Variants in UGT8 observed in about 807,000 individuals in gnomAD.
UGT8 encodes the protein UDP glycosyltransferase 8.
UGT8 carries 12 observed loss-of-function variants against 40.5 expected under a neutral mutation model. That is an observed-to-expected ratio of 0.30 (90% confidence interval 0.19 to 0.48). The LOEUF (loss-of-function observed/expected upper bound fraction) is 0.48. Ranked by LOEUF, UGT8 falls within the 20% of genes least tolerant of loss-of-function variation. The pLI, the probability that UGT8 is intolerant of heterozygous loss-of-function variation, is 0.99. For synonymous variants in UGT8, 224 were observed against 240.4 expected (o/e 0.93, Z 0.63); for missense variants, 513 against 648.7 (o/e 0.79, Z 2.27).
At chr4:114,617,111 G>T (rs1311456691) in intron 1 of UGT8, among the ~76,000 whole-genome samples, 5 of 152,112 alleles carry the variant, frequency 3.3e-5, no homozygotes, top group African/African-American at 1.2e-4. Context: ...AAAATTAGTT[G>T]GGCACGGTGG....
intron 2 of UGT8, among the ~76,000 whole-genome samples, chr4:114,647,356 TTGTG>T (rs34575248): frequency 0.012 from 1,722 of 143,274 alleles, 22 homozygotes; most frequent in African/African-American, 0.034. Context: ...ATTAGCTCTT[TTGTG>T]TGTGTGTGTG....
chr4:114,656,025 C>G (rs1734167431), intron 2 of UGT8, among the ~76,000 whole-genome samples: 1 of 152,120 alleles, frequency 6.6e-6, no homozygotes, highest in Non-Finnish European at 1.5e-5. Flanking sequence ...TGCATCCTTA[C>G]AGGAATATCA....
Position 114,624,057 on chromosome 4 carries a change from C to T in UGT8, c.822+355C>T, listed in dbSNP as rs551223329. The stretch of plus-strand genomic sequence containing the variant: ...TTTTATCTTTAATTACACACAGAAT[C>T]CCCTCTGTTCTGCCCCAAATAGCAC... On this transcript the variant is annotated intron_variant, in intron 2 of 5. Coordinates refer to ENST00000310836, the MANE Select transcript of UGT8 (RefSeq NM_001128174.3). Among the ~76,000 whole-genome samples the T allele has an allele frequency of 1.2e-4, 19 of 152,322 alleles. No individual in the cohort carries two copies. In the South Asian group the frequency reaches 3.1e-3, roughly 25 times the overall value.
At position 114,664,221 on chromosome 4, in the gene UGT8, AC is replaced by A; in HGVS notation, c.965+85del. On this transcript the variant is annotated intron_variant, in intron 3 of 5. Transcript: ENST00000310836. ...TGCACAGGTCCCAGTAAAGCACAGC[AC>A]ATTGTTTCCCTGACAAGATTAGCAA... The A allele has an allele frequency of 6.2e-6, 9 of 1,459,080 alleles. No homozygotes were observed. The South Asian group carries it at 8.7e-5, about 14-fold the overall frequency. The allele number at this position is 1,459,080 out of a possible 1,614,324, so 90.4% of individuals were successfully genotyped here. A position where few individuals can be genotyped will look rare whatever the true frequency, so the allele number is the denominator to read the frequency against.
At chr4:114,637,248 G>C (rs1732941320) in intron 2 of UGT8, among the ~76,000 whole-genome samples, 1 of 152,136 alleles carries the variant, frequency 6.6e-6, no homozygotes, top group African/African-American at 2.4e-5. Context: ...CACGGTCTTT[G>C]TGAGTTCTAC....
chr4:114,608,200 G>T (rs1046520214), intron 1 of UGT8, among the ~76,000 whole-genome samples: 1 of 151,898 alleles, frequency 6.6e-6, no homozygotes, highest in African/African-American at 2.4e-5. Context: ...CCAAGGTTTT[G>T]ACACTCAAGT....
At chr4:114,621,178 C>T (rs950343029) in intron 1 of UGT8, among the ~76,000 whole-genome samples, 1 of 152,076 alleles carries the variant, frequency 6.6e-6, no homozygotes, top group Non-Finnish European at 1.5e-5. Context: ...AGTACTGGCC[C>T]TCAAGTGTAC....
chr4:114,663,040 GTCTCCA>G (rs900581601), intron 2 of UGT8, among the ~76,000 whole-genome samples: 10 of 151,492 alleles, frequency 6.6e-5, no homozygotes, highest in Non-Finnish European at 1.2e-4. Flanking sequence ...AGCCAGGATA[GTCTCCA>G]TCTCCTGACC....
At chr4:114,671,038 C>T (rs549581690) in intron 5 of UGT8, among the ~76,000 whole-genome samples, 4 of 152,152 alleles carry the variant, frequency 2.6e-5, no homozygotes, top group South Asian at 2.1e-4. Flanking sequence ...AGAGCCAAAT[C>T]GTGAATGAAG....
intron 1 of UGT8, among the ~76,000 whole-genome samples, chr4:114,617,555 T>C (rs1250525088): frequency 6.6e-6 from 1 of 152,200 alleles, no homozygotes; most frequent in Non-Finnish European, 1.5e-5. Flanking sequence ...TTGGATTTTC[T>C]TCAAGATTCT....
intron 5 of UGT8, 49 bp from the exon 6 acceptor site, chr4:114,675,876 G>C: frequency 6.5e-7 from 1 of 1,529,598 alleles, no homozygotes; most frequent in Non-Finnish European, 8.8e-7. Context: ...CATAAATATA[G>C]AACTTTATTA....
At chr4:114,629,538 A>G (rs140268049) in intron 2 of UGT8, among the ~76,000 whole-genome samples, 57 of 152,368 alleles carry the variant, frequency 3.7e-4, no homozygotes, top group African/African-American at 1.3e-3. Context: ...GATGCTTTAT[A>G]GGTTAATCAT....
At chr4:114,657,255 A>G (rs927508942) in intron 2 of UGT8, among the ~76,000 whole-genome samples, 6 of 152,224 alleles carry the variant, frequency 3.9e-5, no homozygotes, top group Non-Finnish European at 7.4e-5. Context: ...TTAACTTTTC[A>G]AAGTCAAATC....
intron 2 of UGT8, among the ~76,000 whole-genome samples, chr4:114,627,000 A>G (rs1732267897): frequency 1.3e-5 from 2 of 152,100 alleles, no homozygotes; most frequent in Admixed American, 6.5e-5. Context: ...GTGTGCCTTG[A>G]TAGTAGAAAT....
At chr4:114,669,037 G>A (rs1156408682) in intron 5 of UGT8, among the ~76,000 whole-genome samples, 1 of 152,122 alleles carries the variant, frequency 6.6e-6, no homozygotes, top group Non-Finnish European at 1.5e-5. Flanking sequence ...AAGCGTATAA[G>A]CTTTTTCTTT....
In UGT8 at chr4:114,668,310, G is replaced by T. The variant is rs1477236588; in HGVS notation, c.1262+6G>T. The T allele has an allele frequency of 3.7e-6, 6 of 1,612,356 alleles. No individual in the cohort carries two copies. The highest frequency in any genetic ancestry group is 5.1e-6 in the Non-Finnish European group (6 of 1,178,760). ...AAGGTTATCAATAATCCCAGGTAAG[G>T]TTTCAATTAACATTAAAGCTGATGA... On this transcript the variant is annotated splice_donor_region_variant and intron_variant, in intron 5 of 5. Transcript: ENST00000310836.
chr4:114,610,135 G>T (rs1157380833), intron 1 of UGT8, among the ~76,000 whole-genome samples: 1 of 152,050 alleles, frequency 6.6e-6, no homozygotes, highest in Non-Finnish European at 1.5e-5. Flanking sequence ...AACTTTGGAG[G>T]GTGTTTATAT....
intron 2 of UGT8, among the ~76,000 whole-genome samples, chr4:114,652,946 A>C (rs1019656296): frequency 6.6e-6 from 1 of 152,046 alleles, no homozygotes; most frequent in Non-Finnish European, 1.5e-5. Flanking sequence ...ACAGTCTAGA[A>C]GGCACTGTAT....
chr4:114,676,614 A>C lies in UGT8; in HGVS notation c.*326A>C. The C allele has an allele frequency of 4.6e-6, 1 of 218,006 alleles. No homozygotes were observed. The allele number at this position is 218,006 out of a possible 1,614,324, so 13.5% of individuals were successfully genotyped here. On this transcript the variant is annotated 3_prime_UTR_variant, in exon 6 of 6. Transcript: ENST00000310836. ...CGTGTCCCGGATCAGGAATGGTTTCATTTTTCTTAATAATGTGTGTGTGTG... is the reference window on the plus strand; with the variant it reads ...CGTGTCCCGGATCAGGAATGGTTTCCTTTTTCTTAATAATGTGTGTGTGTG...
Sources: gnomAD v4.1 joint callset for allele counts (sites outside exome capture counted in the v4.1 genomes callset) on GRCh38, gnomAD v4.1.1 for gene constraint, MANE v1.5 for transcripts, NCBI Gene and HGNC (gene_info 2026-07-23, HGNC 2026-07-21) for gene names.